Variants in MYO18B observed in about 807,000 individuals in gnomAD.
MYO18B encodes the protein unconventional myosin-XVIIIb.
Under a neutral mutation model 273.0 loss-of-function variants are expected in MYO18B, and 204 were observed. That is an observed-to-expected ratio of 0.75 (90% CI 0.67 to 0.84). The LOEUF is 0.84. Among genes scored for constraint, MYO18B ranks in the 40% least tolerant of loss-of-function variants. The pLI, the probability that MYO18B is intolerant of heterozygous loss-of-function variation, is 0.00. For synonymous variants in MYO18B, 1,330 were observed against 1,305.7 expected (o/e 1.02, Z -0.40); for missense variants, 3,212 against 3,287.6 (o/e 0.98, Z 0.56).
At chr22:26,063,733 A>T in the MYO18B span, among the ~76,000 whole-genome samples, 2 of 152,338 alleles carry the variant, frequency 1.3e-5, no homozygotes, top group Non-Finnish European at 2.9e-5. Context: ...TCCTTCGACC[A>T]TTAGGCTTCC....
In MYO18B at chr22:25,768,639, G is replaced by A. The variant is rs762093319; in HGVS notation, c.723G>A (p.Val241=). The change falls in exon 4 of 44, where the codon GTG becomes GTA. Residue 241 remains valine, a synonymous_variant. Transcript: ENST00000335473. ...LKKGEEGQSI[V]GKGLGTPKTT... ...AAGGCGAGGAGGGTCAAAGCATAGT[G>A]GGGAAGGGGCTTGGGACCCCCAAGA... 3.3e-6 allele frequency: 5 copies of A among 1,530,470 alleles called. No homozygotes were observed. Among genetic ancestry groups the A allele is most frequent in the Non-Finnish European group, 4.4e-6 (5 of 1,143,916 alleles). 94.8% of individuals were successfully genotyped at this position (1,530,470 alleles called of 1,614,324 possible).
chr22:25,982,266 G>A (rs1239231866), intron 39 of MYO18B, among the ~76,000 whole-genome samples: 1 of 152,132 alleles, frequency 6.6e-6, no homozygotes. Context: ...AGAGAACTGA[G>A]CCTTCCTGCC....
chr22:25,788,290 C>T (rs147049926), intron 11 of MYO18B, among the ~76,000 whole-genome samples: 1 of 152,326 alleles, frequency 6.6e-6, no homozygotes, highest in East Asian at 1.9e-4. Flanking sequence ...AGGCCAGGTA[C>T]AGCTTCATTA....
chr22:25,861,930 C>A (rs75397891), intron 21 of MYO18B, among the ~76,000 whole-genome samples: 1,964 of 152,210 alleles, frequency 0.013, 36 homozygotes, highest in African/African-American at 0.045. Context: ...ATACACAGTC[C>A]ACCCTCCATA....
intron 1 of MYO18B, among the ~76,000 whole-genome samples, chr22:25,749,693 G>A (rs1429478499): frequency 6.6e-6 from 1 of 152,166 alleles, no homozygotes; most frequent in African/African-American, 2.4e-5. Context: ...CAGGGCGGTC[G>A]TCTTGTTCCC....
intron 39 of MYO18B, among the ~76,000 whole-genome samples, chr22:25,963,180 A>T (rs111737269): frequency 0.43 from 30,364 of 70,810 alleles, 3,785 homozygotes; most frequent in African/African-American, 0.54. Flanking sequence ...TCTCTCTCTC[A>T]CACACACACA....
At chr22:26,050,724 A>G in the MYO18B span, among the ~76,000 whole-genome samples, 1 of 152,232 alleles carries the variant, frequency 6.6e-6, no homozygotes, top group Non-Finnish European at 1.5e-5. Flanking sequence ...GGATACTAAG[A>G]GTCCTTACCT....
intron 12 of MYO18B, among the ~76,000 whole-genome samples, chr22:25,805,416 C>G (rs2088424841): frequency 6.6e-6 from 1 of 152,218 alleles, no homozygotes; most frequent in African/African-American, 2.4e-5. Flanking sequence ...TGGACCAGGG[C>G]AAGATCGCTG....
intron 34 of MYO18B, among the ~76,000 whole-genome samples, chr22:25,935,971 CGT>C (rs1467539058): frequency 6.6e-6 from 1 of 152,196 alleles, no homozygotes; most frequent in Non-Finnish European, 1.5e-5. Context: ...GCTGAGCTCA[CGT>C]GTCTGCCTCA....
Position 25,845,099 on chromosome 22 carries a change from C to T in MYO18B, c.3369-1001C>T, listed in dbSNP as rs930387509. 5.3e-5 allele frequency among the ~76,000 whole-genome samples: 8 copies of T among 152,352 alleles called. 1 individual carries two copies. Among genetic ancestry groups the T allele is most frequent in the Admixed American group, 4.6e-4 (7 of 15,302 alleles). ...GAAATGGGAATGAGGTTCCAAAGCTCCCATGTCTGATCTAAGAAGGCTTTG... is the reference window on the plus strand; with the variant it reads ...GAAATGGGAATGAGGTTCCAAAGCTTCCATGTCTGATCTAAGAAGGCTTTG... On this transcript the variant is annotated intron_variant, in intron 18 of 43. Transcript: ENST00000335473.
intron 15 of MYO18B, among the ~76,000 whole-genome samples, chr22:25,831,039 A>G (rs150346662): frequency 6.6e-5 from 10 of 152,304 alleles, no homozygotes; most frequent in East Asian, 1.9e-4. Flanking sequence ...TAAAGATACA[A>G]TCTCCTTTGG....
chr22:25,896,758 A>G (rs2091813790), intron 28 of MYO18B: 1 of 152,102 alleles, frequency 6.6e-6, no homozygotes, highest in South Asian at 2.1e-4. Flanking sequence ...GGCTCCCTGG[A>G]AAAAAACAAA....
At chr22:25,935,547 A>G (rs1010570444) in intron 34 of MYO18B, among the ~76,000 whole-genome samples, 2 of 151,980 alleles carry the variant, frequency 1.3e-5, no homozygotes, top group Non-Finnish European at 2.9e-5. Flanking sequence ...TTGCATTTCA[A>G]AAAGGGCTAA....
chr22:26,049,707 T>C, the MYO18B span, among the ~76,000 whole-genome samples: 1 of 152,252 alleles, frequency 6.6e-6, no homozygotes, highest in Admixed American at 6.5e-5. Flanking sequence ...AATGAAGAAA[T>C]GAATAATCAC....
chr22:26,024,340 G>A (rs564679561), intron 42 of MYO18B, among the ~76,000 whole-genome samples: 11 of 152,248 alleles, frequency 7.2e-5, no homozygotes, highest in Middle Eastern at 3.4e-3. Context: ...AAGGCACCAT[G>A]ACTAGGGGTC....
chr22:25,875,538 A>G (rs695821), intron 23 of MYO18B, among the ~76,000 whole-genome samples: 118,877 of 152,086 alleles, frequency 0.78, 47,202 homozygotes, highest in East Asian at 1. Context: ...AAGCGGGTCA[A>G]TGCTTCTCAA....
chr22:26,009,838 G>T (rs1294361633), intron 42 of MYO18B, among the ~76,000 whole-genome samples: 1 of 152,100 alleles, frequency 6.6e-6, no homozygotes, highest in Non-Finnish European at 1.5e-5. Context: ...CTCCTTTTGT[G>T]ATTTTGGCTC....
chr22:25,787,814 A>C (rs1375094541), intron 11 of MYO18B, among the ~76,000 whole-genome samples: 1 of 152,144 alleles, frequency 6.6e-6, no homozygotes, highest in Non-Finnish European at 1.5e-5. Flanking sequence ...ATCTGGGGTC[A>C]TGAGGAGCCC....
the MYO18B span, among the ~76,000 whole-genome samples, chr22:26,051,522 C>T: frequency 1.2e-4 from 19 of 152,112 alleles, no homozygotes; most frequent in Non-Finnish European, 2.5e-4. Flanking sequence ...AGTCACATAG[C>T]TAATAAGGAA....
Sources: allele counts gnomAD v4.1 joint callset (sites outside exome capture counted in the v4.1 genomes callset), GRCh38; gene constraint gnomAD v4.1.1; transcripts MANE v1.5; gene names NCBI Gene and HGNC (gene_info 2026-07-23, HGNC 2026-07-21).